The following UBE2E2 variants were observed in gnomAD, a reference collection of about 807,000 sequenced individuals.
The protein encoded by UBE2E2 is ubiquitin conjugating enzyme E2 E2.
Under a neutral mutation model 24.7 loss-of-function variants are expected in UBE2E2, and 6 were observed. The ratio of observed to expected loss-of-function variants is 0.24; its 90% CI spans 0.13 to 0.48. UBE2E2 has a LOEUF of 0.48. Ranked by LOEUF, UBE2E2 falls within the 20% of genes least tolerant of loss-of-function variation. The pLI is 0.99. For synonymous variants in UBE2E2, 104 were observed against 83.6 expected, an observed-to-expected ratio of 1.24 and a Z score of -1.33; for missense variants, 169 against 245.0, an observed-to-expected ratio of 0.69 and a Z score of 2.07.
intron 3 of UBE2E2, among the ~76,000 whole-genome samples, chr3:23,308,062 T>G (rs1162882283): frequency 6.6e-6 from 1 of 152,196 alleles, no homozygotes; most frequent in African/African-American, 2.4e-5. Context: ...ACTGTAGTAA[T>G]AAGTGGCTTT....
chr3:23,552,360 T>C (rs1695665660), intron 5 of UBE2E2, among the ~76,000 whole-genome samples: 1 of 152,028 alleles, frequency 6.6e-6, no homozygotes, highest in African/African-American at 2.4e-5. Context: ...CTCTAAAAAA[T>C]AAAGTTTCAG....
intron 3 of UBE2E2, among the ~76,000 whole-genome samples, chr3:23,252,495 AT>A (rs112002496): frequency 9.3e-5 from 14 of 150,368 alleles, no homozygotes; most frequent in African/African-American, 2.9e-4. Flanking sequence ...ATTAAAAAAA[AT>A]TTTTTTTTTT....
In UBE2E2 at chr3:23,405,484, G is replaced by A. The variant is rs573679312; in HGVS notation, c.228-94124G>A. Among the ~76,000 whole-genome samples, 83 of 152,290 alleles carry A rather than the reference G, an allele frequency of 5.5e-4. 1 individual carries two copies. The highest frequency in any genetic ancestry group is 2.0e-3 in the African/African-American group (82 of 41,560). On this transcript the variant is annotated intron_variant, in intron 3 of 5. Coordinates refer to ENST00000396703, the MANE Select transcript of UBE2E2 (RefSeq NM_152653.4). The stretch of plus-strand genomic sequence containing the variant: ...TATTTTTGGTTAGTAGGGAGTATGA[G>A]TACTGGCAGATGGTTATGCAGAGCT...
At chr3:23,372,950 C>T (rs1027816679) in intron 3 of UBE2E2, among the ~76,000 whole-genome samples, 1 of 152,164 alleles carries the variant, frequency 6.6e-6, no homozygotes, top group Non-Finnish European at 1.5e-5. Flanking sequence ...GAGACCACAT[C>T]CACTATTCTT....
At chr3:23,451,378 G>A (rs1486837478) in intron 3 of UBE2E2, among the ~76,000 whole-genome samples, 3 of 152,024 alleles carry the variant, frequency 2.0e-5, no homozygotes, top group African/African-American at 7.2e-5. Flanking sequence ...TGGCATCCTC[G>A]AAACATCCTG....
intron 5 of UBE2E2, among the ~76,000 whole-genome samples, chr3:23,556,600 T>C (rs1362598359): frequency 1.3e-5 from 2 of 152,094 alleles, no homozygotes; most frequent in African/African-American, 4.8e-5. Context: ...TTGTGGACAT[T>C]TGTTAAGTCC....
intron 3 of UBE2E2, chr3:23,389,644 C>A: frequency 3.7e-6 from 1 of 266,784 alleles, no homozygotes; most frequent in East Asian, 7.9e-5. Context: ...TTATTTTGCC[C>A]TTTGAGCTGT....
chr3:23,440,053 C>T (rs936421892), intron 3 of UBE2E2, among the ~76,000 whole-genome samples: 39 of 151,816 alleles, frequency 2.6e-4, no homozygotes, highest in African/African-American at 8.0e-4. Context: ...GGGTGGATCA[C>T]GAACGAGGTC....
At chr3:23,504,837 G>A (rs1694397993) in intron 4 of UBE2E2, among the ~76,000 whole-genome samples, 2 of 150,852 alleles carry the variant, frequency 1.3e-5, no homozygotes, top group Non-Finnish European at 2.9e-5. Flanking sequence ...ATTATGTTGG[G>A]GTTTTTTCCT....
At chr3:23,234,731 T>C (rs1298236820) in intron 3 of UBE2E2, among the ~76,000 whole-genome samples, 1 of 152,146 alleles carries the variant, frequency 6.6e-6, no homozygotes, top group Non-Finnish European at 1.5e-5. Flanking sequence ...AAGTGTTTAT[T>C]AGAGTTAAGC....
At chr3:23,308,327 G>A (rs1032575173) in intron 3 of UBE2E2, among the ~76,000 whole-genome samples, 9 of 152,200 alleles carry the variant, frequency 5.9e-5, no homozygotes, top group Middle Eastern at 3.4e-3. Context: ...TGACAGACAT[G>A]AGTTCTCCCA....
chr3:23,366,118 C>A (rs1195713681), intron 3 of UBE2E2, among the ~76,000 whole-genome samples: 1 of 152,044 alleles, frequency 6.6e-6, no homozygotes, highest in African/African-American at 2.4e-5. Flanking sequence ...AGTGAGATAC[C>A]ATCTCACACC....
intron 3 of UBE2E2, among the ~76,000 whole-genome samples, chr3:23,288,183 A>T (rs983021791): frequency 1.3e-5 from 2 of 152,082 alleles, no homozygotes; most frequent in African/African-American, 4.8e-5. Context: ...TCATTGACCC[A>T]CTGAGCATAT....
At chr3:23,556,158 T>TG (rs1444810178) in intron 5 of UBE2E2, among the ~76,000 whole-genome samples, 1 of 145,738 alleles carries the variant, frequency 6.9e-6, no homozygotes, top group Non-Finnish European at 1.5e-5. Flanking sequence ...TTTTTTTTTT[T>TG]TTTTTGAGAT....
At chr3:23,290,043 G>C (rs1431179565) in intron 3 of UBE2E2, among the ~76,000 whole-genome samples, 1 of 152,234 alleles carries the variant, frequency 6.6e-6, no homozygotes, top group African/African-American at 2.4e-5. Context: ...ACACAAGGGT[G>C]AATATATTTT....
Position 23,217,262 on chromosome 3 carries a change from A to G in UBE2E2, c.177A>G (p.Arg59=). ...AATGTTCTTTGTCTTTATTTTAAAG[A>G]ATTCAGAAGGAACTTGCAGAAATCA... ...TAAKLSTSAK[R]IQKELAEITL... is the part of the protein sequence containing the mutation. The change falls in exon 3 of 6, where the codon AGA becomes AGG. Residue 59 remains arginine, a splice_region_variant and synonymous_variant. Coordinates refer to ENST00000396703, the MANE Select transcript of UBE2E2 (RefSeq NM_152653.4). 2 of 1,612,170 alleles carry G rather than the reference A, an allele frequency of 1.2e-6. No individual in the cohort carries two copies. Among genetic ancestry groups the G allele is most frequent in the Non-Finnish European group, 8.5e-7 (1 of 1,178,630 alleles).
At chr3:23,366,800 C>T (rs969135478) in intron 3 of UBE2E2, among the ~76,000 whole-genome samples, 1 of 152,090 alleles carries the variant, frequency 6.6e-6, no homozygotes, top group Non-Finnish European at 1.5e-5. Flanking sequence ...ACCCTGGGAT[C>T]AGACATTTAG....
In UBE2E2 at chr3:23,405,398, C is replaced by A. The variant is rs114516226; in HGVS notation, c.228-94210C>A. On this transcript the variant is annotated intron_variant, in intron 3 of 5. Coordinates refer to ENST00000396703, the MANE Select transcript of UBE2E2 (RefSeq NM_152653.4). ...GTCCCAGAGCTTGTTAGTGGCAGAG[C>A]CTGAAAAGCCAGCTCTTCTGACACA... Among the ~76,000 whole-genome samples, 334 of 152,284 alleles carry A rather than the reference C, an allele frequency of 2.2e-3. 3 individuals carry two copies. The highest frequency in any genetic ancestry group is 7.7e-3 in the African/African-American group (320 of 41,566).
intron 3 of UBE2E2, among the ~76,000 whole-genome samples, chr3:23,258,900 G>GCAAAAAAAAA (rs1697816015): frequency 1.3e-5 from 1 of 78,904 alleles, no homozygotes; most frequent in African/African-American, 4.4e-5. Context: ...CTCAAAAAAA[G>GCAAAAAAAAA]AAAAAAAAAA....
Sources: allele counts gnomAD v4.1 joint callset (sites outside exome capture counted in the v4.1 genomes callset), GRCh38; gene constraint gnomAD v4.1.1; transcripts MANE v1.5; gene names NCBI Gene and HGNC (gene_info 2026-07-23, HGNC 2026-07-21).